Variants in DGKB observed in about 807,000 individuals in gnomAD.
DGKB encodes 90 kDa diacylglycerol kinase.
Under a neutral mutation model 114.3 loss-of-function variants are expected in DGKB, and 67 were observed. That is an observed-to-expected ratio of 0.59 (90% CI 0.48 to 0.72). DGKB has a LOEUF of 0.72. DGKB is among the 30% of genes least tolerant of loss of function. The pLI is 0.00. For synonymous variants in DGKB, 398 were observed against 323.1 expected (o/e 1.23, Z -2.49); for missense variants, 907 against 975.2 (o/e 0.93, Z 0.93).
intron 25 of DGKB, among the ~76,000 whole-genome samples, chr7:14,162,419 T>C (rs1209961070): frequency 1.3e-5 from 2 of 152,230 alleles, no homozygotes; most frequent in African/African-American, 4.8e-5. Flanking sequence ...CATACAGTTT[T>C]ATCATTTTTA....
chr7:14,782,050 A>C (rs568259158), intron 2 of DGKB, among the ~76,000 whole-genome samples: 51 of 152,118 alleles, frequency 3.4e-4, no homozygotes, highest in Non-Finnish European at 7.1e-4. Context: ...TTTGAGACAG[A>C]ATCTTGTTGT....
intron 23 of DGKB, among the ~76,000 whole-genome samples, chr7:14,228,212 A>C (rs1584578610): frequency 6.6e-6 from 1 of 152,022 alleles, no homozygotes; most frequent in Non-Finnish European, 1.5e-5. Context: ...TTAGGTTTGT[A>C]GAACACAGGG....
chr7:14,973,232 GC>G (rs1255199634), intron 1 of DGKB, among the ~76,000 whole-genome samples: 1 of 151,666 alleles, frequency 6.6e-6, no homozygotes, highest in African/African-American at 2.4e-5. Flanking sequence ...TTATCTCTAT[GC>G]TTACCTCTAT....
intron 4 of DGKB, 99 bp downstream of exon 4, chr7:14,753,829 G>C: frequency 2.5e-6 from 2 of 809,270 alleles, no homozygotes; most frequent in Non-Finnish European, 4.1e-6. Context: ...AATCATATTG[G>C]TACAGAAGTA....
At chr7:14,852,572 A>G (rs1028526353) in intron 1 of DGKB, among the ~76,000 whole-genome samples, 2 of 151,634 alleles carry the variant, frequency 1.3e-5, no homozygotes, top group African/African-American at 4.8e-5. Context: ...ATTTTGTAGG[A>G]CATGTTTTGT....
chr7:14,691,048 A>G (rs1056291289), intron 9 of DGKB, among the ~76,000 whole-genome samples: 17 of 152,332 alleles, frequency 1.1e-4, no homozygotes, highest in African/African-American at 4.1e-4. Context: ...TATTTGGTAT[A>G]GAATCTGGTC....
intron 21 of DGKB, among the ~76,000 whole-genome samples, chr7:14,368,573 CTGTGTGTG>C (rs3069084): frequency 2.7e-5 from 4 of 148,620 alleles, no homozygotes; most frequent in Non-Finnish European, 4.5e-5. Flanking sequence ...GGTATTTTCT[CTGTGTGTG>C]TGTGTGTGTG....
intron 2 of DGKB, among the ~76,000 whole-genome samples, chr7:14,809,172 A>G (rs1843116101): frequency 6.6e-6 from 1 of 152,150 alleles, no homozygotes; most frequent in Admixed American, 6.6e-5. Flanking sequence ...AAGAAATTCT[A>G]TCCCGAAATT....
chr7:14,151,073 C>T (rs955960569), intron 25 of DGKB, among the ~76,000 whole-genome samples: 1 of 152,010 alleles, frequency 6.6e-6, no homozygotes, highest in Non-Finnish European at 1.5e-5. Flanking sequence ...GAAAATGAAT[C>T]ATTTTACGCA....
At chr7:14,368,385 T>G (rs564628344) in intron 21 of DGKB, among the ~76,000 whole-genome samples, 7 of 150,420 alleles carry the variant, frequency 4.7e-5, no homozygotes, top group South Asian at 2.1e-4. Context: ...CTCATCCAGA[T>G]TTTTTTAGGG....
chr7:14,487,583 CTT>C (rs11433526), intron 20 of DGKB, among the ~76,000 whole-genome samples: 24 of 125,884 alleles, frequency 1.9e-4, no homozygotes, highest in Non-Finnish European at 2.1e-4. Flanking sequence ...AAGAAAATTC[CTT>C]TTTTTTTTTT....
intron 21 of DGKB, among the ~76,000 whole-genome samples, chr7:14,358,268 T>A (rs1343500107): frequency 6.6e-6 from 1 of 152,240 alleles, no homozygotes; most frequent in Non-Finnish European, 1.5e-5. Context: ...TAGTCCCATA[T>A]TTCTTGGAGG....
At chr7:14,801,923 T>C (rs200431652) in intron 2 of DGKB, among the ~76,000 whole-genome samples, 7,664 of 108,858 alleles carry the variant, frequency 0.07, 282 homozygotes, top group Non-Finnish European at 0.082. Flanking sequence ...CATATATACA[T>C]ATACACACAC....
intron 23 of DGKB, among the ~76,000 whole-genome samples, chr7:14,331,208 A>G (rs1809658630): frequency 6.6e-6 from 1 of 152,036 alleles, no homozygotes; most frequent in East Asian, 1.9e-4. Flanking sequence ...TCTATTTTCA[A>G]CCAATGAAAA....
chr7:14,293,080 A>T (rs1802010740), intron 23 of DGKB, among the ~76,000 whole-genome samples: 1 of 152,212 alleles, frequency 6.6e-6, no homozygotes, highest in African/African-American at 2.4e-5. Flanking sequence ...CTTTGAGTAC[A>T]TGTATAAAAA....
At position 14,530,173 on chromosome 7, in the gene DGKB, C is replaced by A. The variant is rs533609864; in HGVS notation, c.1770+44039G>T. ...AAGGCTGTGTTTTTTAAAGTAATAA[C>A]TTAAAATTATTTACAATTGCTTTTC... On this transcript the variant is annotated intron_variant, in intron 20 of 25. Transcript: ENST00000402815. Among the ~76,000 whole-genome samples the A allele has an allele frequency of 1.5e-3, 229 of 151,578 alleles. 2 individuals carry two copies. The highest frequency in any genetic ancestry group is 6.8e-3 in the Middle Eastern group (2 of 292).
At chr7:14,333,922 C>T (rs536009755) in intron 23 of DGKB, among the ~76,000 whole-genome samples, 3 of 152,276 alleles carry the variant, frequency 2.0e-5, no homozygotes, top group African/African-American at 7.2e-5. Context: ...ACCTGAAAAG[C>T]TCCAATTTCA....
At chr7:14,592,776 T>C (rs1383390653) in intron 17 of DGKB, among the ~76,000 whole-genome samples, 1 of 151,850 alleles carries the variant, frequency 6.6e-6, no homozygotes, top group Non-Finnish European at 1.5e-5. Flanking sequence ...TCTCTGTGGG[T>C]TTCGATGTTT....
At chr7:14,621,344 A>C (rs1171126034) in intron 15 of DGKB, 34 bp downstream of exon 15, 1 of 1,342,460 alleles carries the variant, frequency 7.4e-7, no homozygotes, top group Non-Finnish European at 1.1e-6. Context: ...ATCAAATATG[A>C]AACCTACTAA....
Sources: allele counts gnomAD v4.1 joint callset (sites outside exome capture counted in the v4.1 genomes callset), GRCh38; gene constraint gnomAD v4.1.1; transcripts MANE v1.5; gene names NCBI Gene and HGNC (gene_info 2026-07-23, HGNC 2026-07-21).